The following TRAPPC10 variants were observed in gnomAD, a reference collection of about 807,000 sequenced individuals.
The protein encoded by TRAPPC10 is TRAPP 130 kDa subunit.
In TRAPPC10, 23 loss-of-function variants were observed where a neutral mutation model predicts 125.5. That is an observed-to-expected ratio of 0.18 (90% CI 0.13 to 0.26). The LOEUF (loss-of-function observed/expected upper bound fraction) is 0.26. Among genes scored for constraint, TRAPPC10 ranks in the 10% least tolerant of loss-of-function variants. The pLI is 1.00. For synonymous variants in TRAPPC10, 509 were observed against 518.0 expected (o/e 0.98, Z 0.24); for missense variants, 1,123 against 1,308.4 (o/e 0.86, Z 2.19).
Position 44,059,049 on chromosome 21 carries a change from C to G in TRAPPC10, c.679-54C>G. 3 of 1,394,868 alleles carry G rather than the reference C, an allele frequency of 2.2e-6. No individual in the cohort carries two copies. Among genetic ancestry groups the G allele is most frequent in the Non-Finnish European group, 3.0e-6 (3 of 1,014,544 alleles). 86.4% of individuals were successfully genotyped at this position (1,394,868 alleles called of 1,614,324 possible). ...GTTTAATGGCTACATACTGTTTCTT[C>G]TATACATTGATTTATGTTTTTGTTT... On this transcript the variant is annotated intron_variant, in intron 5 of 22. Transcript: ENST00000291574. This position sits in a 1 kb window ranked among gnomAD's most constrained non-coding sequence, Gnocchi z 4.4.
intron 3 of TRAPPC10, among the ~76,000 whole-genome samples, chr21:44,043,120 C>T (rs1276981312): frequency 1.3e-5 from 2 of 151,794 alleles, no homozygotes; most frequent in East Asian, 3.8e-4. Flanking sequence ...GTATTTTAAA[C>T]CAACATCCTG....
chr21:44,030,498 G>A (rs1049519908), intron 1 of TRAPPC10, among the ~76,000 whole-genome samples: 2 of 150,548 alleles, frequency 1.3e-5, no homozygotes, highest in African/African-American at 2.4e-5. Flanking sequence ...ATGGAGTTTC[G>A]CTCTTGTTGC....
chr21:44,044,347 T>C (rs1032504898), intron 3 of TRAPPC10, among the ~76,000 whole-genome samples: 1 of 151,796 alleles, frequency 6.6e-6, no homozygotes, highest in Non-Finnish European at 1.5e-5. Context: ...TTATCGTCTA[T>C]TTAAAAAAAG....
At chr21:44,046,095 A>G (rs1206181137) in intron 3 of TRAPPC10, among the ~76,000 whole-genome samples, 2 of 152,194 alleles carry the variant, frequency 1.3e-5, no homozygotes, top group African/African-American at 2.4e-5. Context: ...TTTAAAAAAC[A>G]GTCAACTCAG....
chr21:44,086,357 C>T (rs1391019444), intron 15 of TRAPPC10, among the ~76,000 whole-genome samples: 1 of 152,206 alleles, frequency 6.6e-6, no homozygotes, highest in Non-Finnish European at 1.5e-5. Flanking sequence ...GTTCTTAACC[C>T]AAAAGCCCGT....
chr21:44,043,800 C>T (rs1457964241), intron 3 of TRAPPC10, among the ~76,000 whole-genome samples: 1 of 152,186 alleles, frequency 6.6e-6, no homozygotes, highest in Non-Finnish European at 1.5e-5. Flanking sequence ...GCTGGATTCT[C>T]TCGGGGTGCT....
intron 2 of TRAPPC10, among the ~76,000 whole-genome samples, chr21:44,035,193 G>A (rs1025124733): frequency 3.3e-5 from 5 of 152,276 alleles, no homozygotes; most frequent in South Asian, 2.1e-4. Context: ...CACGTGAGTG[G>A]CTTTCTTATC....
intron 1 of TRAPPC10, among the ~76,000 whole-genome samples, chr21:44,012,780 C>T (rs976947230): frequency 1.3e-5 from 2 of 152,020 alleles, no homozygotes; most frequent in African/African-American, 4.8e-5. Flanking sequence ...GGGGGGCGCC[C>T]TCGGGCCGGC....
chr21:44,018,707 A>G (rs1378093176), intron 1 of TRAPPC10, among the ~76,000 whole-genome samples: 1 of 152,032 alleles, frequency 6.6e-6, no homozygotes, highest in Non-Finnish European at 1.5e-5. Flanking sequence ...AAAAAAAAAA[A>G]AAGTATGTCG....
At chr21:44,073,023 G>A (rs1290138431) in intron 7 of TRAPPC10, among the ~76,000 whole-genome samples, 1 of 152,186 alleles carries the variant, frequency 6.6e-6, no homozygotes, top group East Asian at 1.9e-4. Context: ...CTGCTGCCCC[G>A]CTTTTCTGTG....
chr21:44,091,059 CG>C (rs992933599), intron 18 of TRAPPC10, among the ~76,000 whole-genome samples: 4 of 152,212 alleles, frequency 2.6e-5, no homozygotes, highest in African/African-American at 9.6e-5. Context: ...GGCATGGTGG[CG>C]GGCGCCTGTA....
At chr21:44,060,689 C>T (rs1279414983) in intron 6 of TRAPPC10, among the ~76,000 whole-genome samples, 1 of 152,022 alleles carries the variant, frequency 6.6e-6, no homozygotes, top group East Asian at 1.9e-4. Context: ...CAACCTCTGC[C>T]TCCAGGGTTC....
intron 7 of TRAPPC10, 55 bp from the exon 8 acceptor site, chr21:44,074,269 C>T (rs1345752129): frequency 1.9e-6 from 3 of 1,607,192 alleles, no homozygotes; most frequent in African/African-American, 2.7e-5. Context: ...TGGGTTTGTT[C>T]AAGCTAGAGC....
chr21:44,012,891 C>G (rs1217833257), intron 1 of TRAPPC10, among the ~76,000 whole-genome samples: 1 of 151,954 alleles, frequency 6.6e-6, no homozygotes, highest in Non-Finnish European at 1.5e-5. Context: ...CGTCCCGCCC[C>G]CGTTGAGCCG....
intron 7 of TRAPPC10, among the ~76,000 whole-genome samples, chr21:44,064,085 C>T (rs1020878080): frequency 2.6e-5 from 4 of 152,170 alleles, no homozygotes; most frequent in Non-Finnish European, 4.4e-5. Context: ...GCTGTCTCCA[C>T]GGGGAAGAGT....
intron 15 of TRAPPC10, among the ~76,000 whole-genome samples, chr21:44,085,444 C>T (rs1211968929): frequency 1.3e-5 from 2 of 152,110 alleles, no homozygotes; most frequent in Non-Finnish European, 2.9e-5. Context: ...ACTCAGATCC[C>T]AGCACTTTGG....
chr21:44,025,691 G>A (rs976788653), intron 1 of TRAPPC10, among the ~76,000 whole-genome samples: 2 of 152,136 alleles, frequency 1.3e-5, no homozygotes, highest in African/African-American at 4.8e-5. Flanking sequence ...ACGTGTAGTA[G>A]TTCCTTTTCT....
intron 1 of TRAPPC10, among the ~76,000 whole-genome samples, chr21:44,024,477 A>G (rs1270572883): frequency 6.6e-6 from 1 of 152,206 alleles, no homozygotes; most frequent in Non-Finnish European, 1.5e-5. Flanking sequence ...CCCTCATTAC[A>G]TAGACTCTGA....
chr21:44,089,963 C>T (rs1341389323), intron 18 of TRAPPC10, 30 bp downstream of exon 18: 2 of 1,549,990 alleles, frequency 1.3e-6, no homozygotes, highest in South Asian at 1.1e-5. Flanking sequence ...CGGGCCCTGG[C>T]TTCTTTCCCC....
Sources: gnomAD v4.1 joint callset for allele counts (sites outside exome capture counted in the v4.1 genomes callset) on GRCh38, gnomAD v4.1.1 for gene constraint, Gnocchi (gnomAD v3.1) non-coding constraint, MANE v1.5 for transcripts, NCBI Gene and HGNC (gene_info 2026-07-23, HGNC 2026-07-21) for gene names.